Variants in RORA observed in about 807,000 individuals in gnomAD.
The protein encoded by RORA is RAR related orphan receptor A.
A neutral mutation model predicts 69.5 loss-of-function variants in RORA; 7 were observed. The ratio of observed to expected loss-of-function variants is 0.10; its 90% CI spans 0.06 to 0.19. The LOEUF (loss-of-function observed/expected upper bound fraction) is 0.19, where lower values mean the gene tolerates loss of function less well. Among genes scored for constraint, RORA ranks in the 10% least tolerant of loss-of-function variants. The pLI is 1.00. For synonymous variants in RORA, 261 were observed against 240.8 expected (o/e 1.08, Z -0.78); for missense variants, 457 against 663.0 (o/e 0.69, Z 3.41).
intron 4 of RORA, among the ~76,000 whole-genome samples, chr15:60,512,810 T>C (rs2065745162): frequency 6.6e-6 from 1 of 152,210 alleles, no homozygotes; most frequent in South Asian, 2.1e-4. Flanking sequence ...ATTCAGAATA[T>C]CAAATGAATT....
chr15:60,589,558 C>T (rs1322960850), intron 2 of RORA, among the ~76,000 whole-genome samples: 1 of 152,236 alleles, frequency 6.6e-6, no homozygotes, highest in Admixed American at 6.5e-5. Context: ...AATGTTATAG[C>T]TGGCTCTCTC....
At chr15:61,033,437 TC>T (rs1309736838) in intron 1 of RORA, among the ~76,000 whole-genome samples, 1 of 43,146 alleles carries the variant, frequency 2.3e-5, no homozygotes, top group Non-Finnish European at 5.5e-5. Context: ...AGTTTTGCTC[TC>T]AGTGGGACCC....
In RORA at chr15:61,128,712, AC is replaced by A. The variant is rs2079164383; in HGVS notation, c.166+100340del. Among the ~76,000 whole-genome samples, 2 of 152,150 alleles carry A rather than the reference AC, an allele frequency of 1.3e-5. No homozygotes were observed. Among genetic ancestry groups the A allele is most frequent in the Non-Finnish European group, 2.9e-5 (2 of 68,022 alleles). ...GATATCTGTCAGGGAAGGGGAAATA[AC>A]TCCTGAATTTCCTCCAGGGGAGTAA... On this transcript the variant is annotated intron_variant, in intron 1 of 10. Transcript: ENST00000335670. The surrounding 1 kb of genome is among the most constrained non-coding windows in gnomAD (Gnocchi z 4.5).
intron 1 of RORA, among the ~76,000 whole-genome samples, chr15:60,770,095 A>C (rs1240810572): frequency 2.6e-5 from 4 of 152,200 alleles, no homozygotes; most frequent in Non-Finnish European, 5.9e-5. Flanking sequence ...TGTGGGTACT[A>C]GGGTAGGGAA....
intron 1 of RORA, among the ~76,000 whole-genome samples, chr15:60,837,297 A>G (rs2073130818): frequency 6.6e-6 from 1 of 152,216 alleles, no homozygotes; most frequent in Non-Finnish European, 1.5e-5. Flanking sequence ...ATATCAAATT[A>G]GAAAAAGCAA....
chr15:61,091,613 T>C (rs2078708315), intron 1 of RORA, among the ~76,000 whole-genome samples: 1 of 152,216 alleles, frequency 6.6e-6, no homozygotes, highest in South Asian at 2.1e-4. Flanking sequence ...ACTTCCTCAG[T>C]CAGCCAGCCT....
At chr15:61,008,736 T>C (rs562966122) in intron 1 of RORA, among the ~76,000 whole-genome samples, 1 of 152,092 alleles carries the variant, frequency 6.6e-6, no homozygotes, top group South Asian at 2.1e-4. Context: ...GAAAAAAAAA[T>C]CCACAACTGA....
chr15:60,590,387 A>G (rs1281502515), intron 2 of RORA, among the ~76,000 whole-genome samples: 1 of 152,224 alleles, frequency 6.6e-6, no homozygotes, highest in Non-Finnish European at 1.5e-5. Flanking sequence ...GTAGAATTAC[A>G]AAAGCAAAAG....
chr15:60,511,093 GAA>G lies in RORA; in HGVS notation c.820+131_820+132del, dbSNP rs1033905951. ...GGGTCAAAAGCAAGGGGGCAGGGCA[GAA>G]AATTAAGTGGCCCAAATGGTAAAGG... On this transcript the variant is annotated intron_variant, in intron 5 of 10. Transcript: ENST00000335670. This position sits in a 1 kb window ranked among gnomAD's most constrained non-coding sequence, Gnocchi z 6.4. 1.1e-5 allele frequency: 11 copies of G among 1,035,934 alleles called. No homozygotes were observed. Among genetic ancestry groups the G allele is most frequent in the Non-Finnish European group, 1.5e-5 (11 of 722,272 alleles). 64.2% of individuals were successfully genotyped at this position (1,035,934 alleles called of 1,614,324 possible). A position where few individuals can be genotyped will look rare whatever the true frequency, so the allele number is the denominator to read the frequency against.
intron 1 of RORA, among the ~76,000 whole-genome samples, chr15:61,154,008 C>T (rs963876233): frequency 1.3e-5 from 2 of 152,186 alleles, no homozygotes; most frequent in African/African-American, 4.8e-5. Flanking sequence ...GCAGGTGGTT[C>T]TGCTTGATTA....
chr15:61,033,232 T>C (rs1050834913), intron 1 of RORA, among the ~76,000 whole-genome samples: 1 of 152,298 alleles, frequency 6.6e-6, no homozygotes, highest in South Asian at 2.1e-4. Context: ...GGGTCTTCCA[T>C]GAGGCAAGAG....
intron 1 of RORA, among the ~76,000 whole-genome samples, chr15:61,006,256 C>T (rs180986655): frequency 3.9e-5 from 6 of 152,112 alleles, no homozygotes; most frequent in East Asian, 1.9e-4. Flanking sequence ...CATGAGCCAC[C>T]GTGCCCGGCC....
In RORA at chr15:60,497,645, G is replaced by A. The variant is rs113793633; in HGVS notation, c.1408-26C>T. The A allele has an allele frequency of 7.5e-5, 119 of 1,586,674 alleles. 1 individual carries two copies. The highest frequency in any genetic ancestry group is 6.0e-4 in the African/African-American group (45 of 74,432). ...CTGTAAGTGAAAGAAAGGACACACCGTCAGGCAAGAACAGGCATAAGCATC... is the reference window on the plus strand; with the variant it reads ...CTGTAAGTGAAAGAAAGGACACACCATCAGGCAAGAACAGGCATAAGCATC... On this transcript the variant is annotated intron_variant, in intron 10 of 10. Transcript: ENST00000335670.
intron 1 of RORA, among the ~76,000 whole-genome samples, chr15:60,749,211 G>A (rs956045711): frequency 2.0e-5 from 3 of 152,028 alleles, no homozygotes; most frequent in African/African-American, 7.2e-5. Flanking sequence ...GACTATTATT[G>A]TTATAAAAAT....
chr15:61,038,047 T>C (rs28516888), intron 1 of RORA, among the ~76,000 whole-genome samples: 8,627 of 152,260 alleles, frequency 0.057, 373 homozygotes, highest in East Asian at 0.21. Context: ...GTTGTTTCTG[T>C]AACATCGCAT....
chr15:60,644,492 C>G (rs1480815482), intron 2 of RORA, among the ~76,000 whole-genome samples: 1 of 152,204 alleles, frequency 6.6e-6, no homozygotes. Flanking sequence ...CAATTGGAAT[C>G]TTTGACATGG....
At chr15:60,704,855 T>G (rs563199506) in intron 1 of RORA, among the ~76,000 whole-genome samples, 18 of 152,310 alleles carry the variant, frequency 1.2e-4, no homozygotes, top group African/African-American at 4.3e-4. Flanking sequence ...CTGACTCATA[T>G]TGCTCTGGAT....
At chr15:61,173,087 G>T (rs1425122014) in intron 1 of RORA, among the ~76,000 whole-genome samples, 12 of 151,452 alleles carry the variant, frequency 7.9e-5, no homozygotes, top group African/African-American at 2.9e-4. Flanking sequence ...CTCTTTCCTG[G>T]TATTAATAAC....
chr15:60,790,487 T>C (rs2072399787), intron 1 of RORA, among the ~76,000 whole-genome samples: 1 of 152,218 alleles, frequency 6.6e-6, no homozygotes, highest in African/African-American at 2.4e-5. Flanking sequence ...TGTGGCACCA[T>C]GGCCTCAGGA....
Sources: allele counts gnomAD v4.1 joint callset (sites outside exome capture counted in the v4.1 genomes callset), GRCh38; gene constraint gnomAD v4.1.1; non-coding constraint Gnocchi (gnomAD v3.1); transcripts MANE v1.5; gene names NCBI Gene and HGNC (gene_info 2026-07-23, HGNC 2026-07-21).